PLOD1: variants seen among roughly 807,000 people sequenced by gnomAD.
PLOD1 encodes the protein lysine hydroxylase.
PLOD1 carries 70 observed loss-of-function variants against 94.7 expected under a neutral mutation model. That is an observed-to-expected ratio of 0.74 (90% confidence interval 0.61 to 0.90). The LOEUF is 0.90. Ranked by LOEUF, PLOD1 falls within the 40% of genes least tolerant of loss-of-function variation. PLOD1 has a pLI of 0.00. For missense variants in PLOD1, 905 were observed against 972.7 expected (o/e 0.93, Z 0.93); for synonymous variants, 417 against 400.2 (o/e 1.04, Z -0.50).
intron 18 of PLOD1, among the ~76,000 whole-genome samples, chr1:11,973,849 A>C (rs1357955725): frequency 6.6e-6 from 1 of 151,814 alleles, no homozygotes; most frequent in Non-Finnish European, 1.5e-5. Context: ...TCCCTAATCC[A>C]AGGATTCTCA....
In PLOD1 at chr1:11,958,612, C is replaced by G. The variant is rs945232384; in HGVS notation, c.940C>G (p.Pro314Ala). Residue 314 changes from proline to alanine, a missense_variant, in exon 9 of 19, where the codon CCC becomes GCC. Physicochemically the swap from Pro to Ala is conservative, Grantham distance 27. Transcript: ENST00000196061. This position sits in a 1 kb window ranked among gnomAD's most constrained non-coding sequence, Gnocchi z 4.3. The stretch of plus-strand genomic sequence containing the variant: ...CCAGCGGCTCCTGCGGCTCCACTAC[C>G]CCCAGAAACACATGCGACTTTTCAT... Reference protein sequence around the residue: ...FFQRLLRLHYPQKHMRLFIHN... With the variant: ...FFQRLLRLHYAQKHMRLFIHN... 2.5e-6 allele frequency: 4 copies of G among 1,614,040 alleles called. No homozygotes were observed. The Middle Eastern group carries it at 4.9e-4, about 199-fold the overall frequency.
At chr1:11,953,158 C>T (rs112356577) in intron 5 of PLOD1, among the ~76,000 whole-genome samples, 10,517 of 152,056 alleles carry the variant, frequency 0.069, 428 homozygotes, top group East Asian at 0.15. Flanking sequence ...CTGGTTCAAG[C>T]GATTCTCGAG....
rs760764359 is a variant in PLOD1, at chr1:11,964,188, C to G, written c.1216C>G (p.Pro406Ala). 3 of 1,613,946 alleles carry G rather than the reference C, an allele frequency of 1.9e-6. No individual in the cohort carries two copies. In the Admixed American group the frequency reaches 5.0e-5, roughly 27 times the overall value. ...LIQQNKNVIAPLMTRHGRLWS... is the reference protein window; with the variant it reads ...LIQQNKNVIAALMTRHGRLWS... ...CCCTTCCCTCAGGAACGTCATTGCCCCGCTGATGACCCGGCATGGGAGGCT... is the reference window on the plus strand; with the variant it reads ...CCCTTCCCTCAGGAACGTCATTGCCGCGCTGATGACCCGGCATGGGAGGCT... Residue 406 changes from proline (P) to alanine (A), a missense_variant, in exon 12 of 19, where the codon CCG becomes GCG. Pro to Ala is a conservative substitution (Grantham distance 27). Transcript: ENST00000196061.
At chr1:11,935,700 C>A (rs982303962) in intron 1 of PLOD1, among the ~76,000 whole-genome samples, 3 of 151,730 alleles carry the variant, frequency 2.0e-5, no homozygotes, top group Non-Finnish European at 4.4e-5. Context: ...TCTCAGCTCA[C>A]TGCAACCTCC....
chr1:11,966,960 C>T lies in PLOD1; in HGVS notation c.1651-27C>T, dbSNP rs761883233. The T allele has an allele frequency of 2.1e-6, 3 of 1,400,906 alleles. No individual in the cohort carries two copies. The South Asian group carries it at 3.5e-5, about 16-fold the overall frequency. 86.8% of individuals were successfully genotyped at this position (1,400,906 alleles called of 1,614,324 possible). A position where few individuals can be genotyped will look rare whatever the true frequency, so the allele number is the denominator to read the frequency against. ...GATTCTGTGGTGCCACTGTGGACCCCCTTGACTGAGTCCCTGCCCTCCCCA... is the reference window on the plus strand; with the variant it reads ...GATTCTGTGGTGCCACTGTGGACCCTCTTGACTGAGTCCCTGCCCTCCCCA... On this transcript the variant is annotated intron_variant, in intron 15 of 18. Transcript: ENST00000196061.
chr1:11,961,932 G>T (rs1044393558), intron 10 of PLOD1, among the ~76,000 whole-genome samples: 1 of 152,176 alleles, frequency 6.6e-6, no homozygotes, highest in East Asian at 1.9e-4. Context: ...GGGATTACAG[G>T]TGCTTGCCAC....
At chr1:11,966,388 T>C (rs986301143) in intron 15 of PLOD1, 72 bp downstream of exon 15, 1 of 1,143,654 alleles carries the variant, frequency 8.7e-7, no homozygotes, top group African/African-American at 1.6e-5. Flanking sequence ...GGGAAACTGC[T>C]TGCCCTGGGG....
At chr1:11,956,385 A>G (rs1645737953) in intron 6 of PLOD1, among the ~76,000 whole-genome samples, 2 of 152,116 alleles carry the variant, frequency 1.3e-5, no homozygotes, top group African/African-American at 4.8e-5. Context: ...CTCCATTTCT[A>G]AAAAACAAAA....
At chr1:11,947,215 T>C (rs2100741107) in intron 1 of PLOD1, among the ~76,000 whole-genome samples, 1 of 148,656 alleles carries the variant, frequency 6.7e-6, no homozygotes, top group Non-Finnish European at 1.5e-5. Context: ...CCAGCTTCGG[T>C]GACAGAGTGA....
At chr1:11,956,144 G>A (rs1006716928) in intron 6 of PLOD1, among the ~76,000 whole-genome samples, 6 of 151,822 alleles carry the variant, frequency 4.0e-5, no homozygotes, top group African/African-American at 1.4e-4. Context: ...AGCACTTTGG[G>A]AGGCCAAGGC....
intron 1 of PLOD1, among the ~76,000 whole-genome samples, chr1:11,938,189 G>A (rs993073066): frequency 6.6e-6 from 1 of 152,010 alleles, no homozygotes; most frequent in Non-Finnish European, 1.5e-5. Flanking sequence ...GACCTCAAGC[G>A]ATTTGCCCAC....
rs1307674061 is a variant in PLOD1, at chr1:11,958,912, A to G, written c.975+265A>G. On this transcript the variant is annotated intron_variant, in intron 9 of 18. Coordinates refer to ENST00000196061, the MANE Select transcript of PLOD1 (RefSeq NM_000302.4). The surrounding 1 kb of genome is among the most constrained non-coding windows in gnomAD (Gnocchi z 4.3). Reference sequence around the variant, plus strand: ...TGTGCTTTAGTTTCTCATCTATAAAATAGGCATAAAAGTCGGGCGCGGTGG... The same window carrying G: ...TGTGCTTTAGTTTCTCATCTATAAAGTAGGCATAAAAGTCGGGCGCGGTGG... Among the ~76,000 whole-genome samples, 1 of 152,202 alleles carries G rather than the reference A, an allele frequency of 6.6e-6. No individual in the cohort carries two copies. Among genetic ancestry groups the G allele is most frequent in the African/African-American group, 2.4e-5 (1 of 41,444 alleles).
intron 5 of PLOD1, among the ~76,000 whole-genome samples, chr1:11,953,308 G>A (rs1002785590): frequency 5.9e-5 from 9 of 151,536 alleles, no homozygotes; most frequent in African/African-American, 1.5e-4. Flanking sequence ...TACCCGCCTC[G>A]GCCTCTCAAA....
rs2100751891 is a variant in PLOD1, at chr1:11,958,319, C to G, written c.844-197C>G. Among the ~76,000 whole-genome samples the G allele has an allele frequency of 6.6e-6, 1 of 152,260 alleles. No individual in the cohort carries two copies. The highest frequency in any genetic ancestry group is 2.4e-5 in the African/African-American group (1 of 41,546). ...TTGTTCCAGGCCTGGGCTCCTGCTG[C>G]TCTCTCCCCGGGGCACCCTCCTGCT... is the stretch of plus-strand genomic sequence containing the variant. On this transcript the variant is annotated intron_variant, in intron 8 of 18. Transcript: ENST00000196061. This position sits in a 1 kb window ranked among gnomAD's most constrained non-coding sequence, Gnocchi z 4.3.
intron 5 of PLOD1, 108 bp downstream of exon 5, chr1:11,952,843 A>G (rs777616217): frequency 4.0e-6 from 3 of 754,470 alleles, no homozygotes; most frequent in Non-Finnish European, 7.0e-6. Context: ...GTCTTAGTCT[A>G]TGCAGGCTGC....
At chr1:11,954,797 C>G (rs775669240) in intron 5 of PLOD1, 33 bp from the exon 6 acceptor site, 2 of 1,554,330 alleles carry the variant, frequency 1.3e-6, no homozygotes, top group Admixed American at 3.3e-5. Context: ...CAGGGCCTGT[C>G]CCTGCTGCAG....
Position 11,947,857 on chromosome 1 carries a change from A to G in PLOD1, c.77-119A>G, listed in dbSNP as rs1045211102. 4 of 740,204 alleles carry G rather than the reference A, an allele frequency of 5.4e-6. No homozygotes were observed. The East Asian group carries it at 7.6e-5, about 14-fold the overall frequency. The allele number at this position is 740,204 out of a possible 1,614,324, so 45.9% of individuals were successfully genotyped here. A position where few individuals can be genotyped will look rare whatever the true frequency, so the allele number is the denominator to read the frequency against. On this transcript the variant is annotated intron_variant, in intron 1 of 18. Transcript: ENST00000196061. ...TTTCTTCCCTGGGCCCTGTTCTGTA[A>G]TGGGTTGACATGAAGACACTTCCTG...
chr1:11,964,313 AGGGTGGGGGT>A lies in PLOD1; in HGVS notation c.1328+23_1328+32del, dbSNP rs771273392. 9.2e-5 allele frequency: 26 copies of A among 283,222 alleles called. No individual in the cohort carries two copies. Among genetic ancestry groups the A allele is most frequent in the Non-Finnish European group, 1.6e-4 (23 of 148,192 alleles). 17.5% of individuals were successfully genotyped at this position (283,222 alleles called of 1,614,324 possible). Reference sequence around the variant, plus strand: ...AGGGGCGGCGTGTGTGAGTACCTGCAGGGTGGGGGTGGGTGGGGGACACCTTCATCTGGCT... The same window carrying A: ...AGGGGCGGCGTGTGTGAGTACCTGCAGGGTGGGGGACACCTTCATCTGGCT... On this transcript the variant is annotated intron_variant, in intron 12 of 18. Transcript: ENST00000196061.
At chr1:11,955,570 G>T (rs1026369884) in intron 6 of PLOD1, among the ~76,000 whole-genome samples, 3 of 152,072 alleles carry the variant, frequency 2.0e-5, no homozygotes, top group Non-Finnish European at 4.4e-5. Flanking sequence ...GGTTTCTGGG[G>T]GTTAAGAAGC....
Sources: gnomAD v4.1 joint callset for allele counts (sites outside exome capture counted in the v4.1 genomes callset) on GRCh38, gnomAD v4.1.1 for gene constraint, Gnocchi (gnomAD v3.1) non-coding constraint, MANE v1.5 for transcripts, NCBI Gene and HGNC (gene_info 2026-07-23, HGNC 2026-07-21) for gene names.